EXOC6B: variants seen among roughly 807,000 people sequenced by gnomAD.
EXOC6B encodes exocyst complex component 6B, also known as SEC15 homolog B.
In EXOC6B, 54 loss-of-function variants were observed where a neutral mutation model predicts 113.5. The ratio of observed to expected loss-of-function variants is 0.48; its 90% confidence interval spans 0.38 to 0.60. The LOEUF is 0.60. Ranked by LOEUF, EXOC6B falls within the 20% of genes least tolerant of loss-of-function variation. EXOC6B has a pLI of 0.00. For missense variants in EXOC6B, 797 were observed against 977.5 expected (o/e 0.82, Z 2.46); for synonymous variants, 357 against 339.0 (o/e 1.05, Z -0.58).
intron 18 of EXOC6B, among the ~76,000 whole-genome samples, chr2:72,399,194 T>C (rs1692972517): frequency 6.6e-6 from 1 of 152,118 alleles, no homozygotes; most frequent in Admixed American, 6.6e-5. Context: ...AAGCATTTGA[T>C]AAAATTCAGC....
intron 6 of EXOC6B, among the ~76,000 whole-genome samples, chr2:72,709,682 T>A (rs1326658271): frequency 6.6e-6 from 1 of 152,188 alleles, no homozygotes; most frequent in Non-Finnish European, 1.5e-5. Context: ...TTCTTTTTTT[T>A]AATTTCTTTT....
At chr2:72,648,581 C>A (rs1673920199) in intron 6 of EXOC6B, among the ~76,000 whole-genome samples, 1 of 152,116 alleles carries the variant, frequency 6.6e-6, no homozygotes, top group African/African-American at 2.4e-5. Flanking sequence ...ACATATACAC[C>A]ACAGAATACT....
intron 4 of EXOC6B, 36 bp from the exon 5 acceptor site, chr2:72,731,088 A>G: frequency 6.4e-7 from 1 of 1,563,976 alleles, no homozygotes; most frequent in Non-Finnish European, 8.7e-7. Flanking sequence ...AACATGATTT[A>G]GAGAAAGCCT....
chr2:72,368,004 G>A (rs916132903), intron 19 of EXOC6B, among the ~76,000 whole-genome samples: 1 of 152,114 alleles, frequency 6.6e-6, no homozygotes, highest in Non-Finnish European at 1.5e-5. Flanking sequence ...AACTCTTAGT[G>A]TTGGGCTGGG....
chr2:72,258,848 A>C (rs1157064403), intron 20 of EXOC6B, among the ~76,000 whole-genome samples: 1 of 152,136 alleles, frequency 6.6e-6, no homozygotes, highest in Non-Finnish European at 1.5e-5. Flanking sequence ...TTAATTTCAA[A>C]ATTTTCAAAC....
At chr2:72,396,410 T>C (rs1386502140) in intron 18 of EXOC6B, among the ~76,000 whole-genome samples, 1 of 151,998 alleles carries the variant, frequency 6.6e-6, no homozygotes, top group Non-Finnish European at 1.5e-5. Context: ...AAAATAAATA[T>C]CCACTGAAAA....
intron 16 of EXOC6B, among the ~76,000 whole-genome samples, chr2:72,488,957 T>C (rs1296361529): frequency 1.3e-5 from 2 of 152,174 alleles, no homozygotes; most frequent in Non-Finnish European, 2.9e-5. Flanking sequence ...ACTAACCAGT[T>C]GCTTCTCTTC....
At chr2:72,204,555 A>AG (rs1371454526) in intron 20 of EXOC6B, among the ~76,000 whole-genome samples, 3 of 150,288 alleles carry the variant, frequency 2.0e-5, no homozygotes, top group African/African-American at 7.3e-5. Flanking sequence ...CAGAAGAAGA[A>AG]AAAAAAAAAA....
intron 18 of EXOC6B, chr2:72,461,852 G>A (rs568191756): frequency 6.6e-6 from 1 of 152,116 alleles, no homozygotes; most frequent in South Asian, 2.1e-4. Context: ...TAAACAAGGA[G>A]TGTTACCATT....
At chr2:72,508,184 A>AAAAAAAAAAAAAAAAAAAAAAAAC (rs923877882) in intron 11 of EXOC6B, among the ~76,000 whole-genome samples, 8 of 89,112 alleles carry the variant, frequency 9.0e-5, no homozygotes, top group African/African-American at 4.7e-4. Context: ...AAAAAAAAAA[A>AAAAAAAAAAAAAAAAAAAAAAAAC]ACACCTAAAA....
At chr2:72,271,931 C>T (rs1684512172) in intron 20 of EXOC6B, among the ~76,000 whole-genome samples, 1 of 152,102 alleles carries the variant, frequency 6.6e-6, no homozygotes, top group African/African-American at 2.4e-5. Flanking sequence ...GCTGAACTCT[C>T]CATTTGGCCG....
chr2:72,454,476 G>A (rs900024182), intron 18 of EXOC6B, among the ~76,000 whole-genome samples: 2 of 152,086 alleles, frequency 1.3e-5, no homozygotes, highest in Admixed American at 6.6e-5. Context: ...TGGCACTCCA[G>A]TCTGGGTGAC....
chr2:72,667,065 G>A (rs529455593), intron 6 of EXOC6B, among the ~76,000 whole-genome samples: 240 of 152,050 alleles, frequency 1.6e-3, no homozygotes, highest in African/African-American at 5.6e-3. Context: ...GGGTTTCACC[G>A]TATTAGCCAG....
chr2:72,566,786 T>C (rs1374106589), intron 7 of EXOC6B, among the ~76,000 whole-genome samples: 1 of 152,018 alleles, frequency 6.6e-6, no homozygotes, highest in Non-Finnish European at 1.5e-5. Context: ...TGTCCATGTA[T>C]AGATTAGCTG....
chr2:72,515,759 G>A (rs1558753134), intron 8 of EXOC6B: 2 of 983,650 alleles, frequency 2.0e-6, no homozygotes, highest in Non-Finnish European at 2.4e-6. Flanking sequence ...TTGAATAGTG[G>A]TTTCTCCAAA....
Position 72,484,364 on chromosome 2 carries a change from C to T in EXOC6B, c.1666-3614G>A, listed in dbSNP as rs1025794527. On this transcript the variant is annotated intron_variant, in intron 16 of 21. Coordinates refer to ENST00000272427, the MANE Select transcript of EXOC6B (RefSeq NM_015189.3). ...ACGAGGTCAGGAGATCAAGACCATC[C>T]TGGCTAACACGGTGAAACCCCGTCT... 8.0e-5 allele frequency among the ~76,000 whole-genome samples: 12 copies of T among 150,200 alleles called. No homozygotes were observed. The South Asian group carries it at 1.1e-3, about 13-fold the overall frequency.
At chr2:72,670,974 C>T (rs1443680339) in intron 6 of EXOC6B, among the ~76,000 whole-genome samples, 2 of 152,104 alleles carry the variant, frequency 1.3e-5, no homozygotes, top group Admixed American at 1.3e-4. Flanking sequence ...AATCACTCTA[C>T]TCAACATTTC....
chr2:72,766,095 T>A (rs769851824), intron 1 of EXOC6B, among the ~76,000 whole-genome samples: 7 of 152,100 alleles, frequency 4.6e-5, no homozygotes, highest in Non-Finnish European at 7.4e-5. Flanking sequence ...TATTGAGGTA[T>A]AAAGGAAAGA....
At chr2:72,584,762 G>A (rs1705444708) in intron 6 of EXOC6B, among the ~76,000 whole-genome samples, 2 of 151,962 alleles carry the variant, frequency 1.3e-5, no homozygotes, top group Admixed American at 1.3e-4. Context: ...TTGGCCATAA[G>A]GAAAGTCTCA....
Sources: allele counts gnomAD v4.1 joint callset (sites outside exome capture counted in the v4.1 genomes callset), GRCh38; gene constraint gnomAD v4.1.1; transcripts MANE v1.5; gene names NCBI Gene and HGNC (gene_info 2026-07-23, HGNC 2026-07-21).